The following DOCK10 variants were observed in gnomAD, a reference collection of about 807,000 sequenced individuals.
DOCK10 encodes the protein dedicator of cytokinesis 10.
Under a neutral mutation model 280.1 loss-of-function variants are expected in DOCK10, and 145 were observed. That is an observed-to-expected ratio of 0.52 (90% confidence interval 0.45 to 0.59). The LOEUF (loss-of-function observed/expected upper bound fraction) is 0.59. DOCK10 is among the 20% of genes least tolerant of loss of function. The pLI, the probability that DOCK10 is intolerant of heterozygous loss-of-function variation, is 0.00. For synonymous variants in DOCK10, 915 were observed against 942.2 expected (o/e 0.97, Z 0.53); for missense variants, 2,368 against 2,651.7 (o/e 0.89, Z 2.35).
At chr2:224,982,769 C>T (rs1471451529) in intron 1 of DOCK10, among the ~76,000 whole-genome samples, 1 of 151,224 alleles carries the variant, frequency 6.6e-6, no homozygotes, top group Non-Finnish European at 1.5e-5. Flanking sequence ...CACAATTTTT[C>T]CTGAGGTATC....
chr2:224,924,566 T>C (rs1385120070), intron 2 of DOCK10, among the ~76,000 whole-genome samples: 1 of 152,244 alleles, frequency 6.6e-6, no homozygotes, highest in Non-Finnish European at 1.5e-5. Flanking sequence ...GACATTCCAT[T>C]TTATGGATAT....
chr2:224,807,549 T>G (rs957458780), intron 33 of DOCK10, 119 bp downstream of exon 33: 2 of 659,540 alleles, frequency 3.0e-6, no homozygotes, highest in East Asian at 5.5e-5. Context: ...TAGCAGAAAG[T>G]GTTGTTCAAT....
intron 51 of DOCK10, 98 bp from the exon 52 acceptor site, chr2:224,775,213 T>G: frequency 1.8e-6 from 2 of 1,100,520 alleles, no homozygotes; most frequent in Non-Finnish European, 2.7e-6. Flanking sequence ...GAGGAGGCTG[T>G]GCCTCTCCCC....
At chr2:225,002,162 T>C (rs376143586) in intron 1 of DOCK10, among the ~76,000 whole-genome samples, 1 of 152,210 alleles carries the variant, frequency 6.6e-6, no homozygotes, top group Non-Finnish European at 1.5e-5. Flanking sequence ...AAAGGCTATG[T>C]GGCTCACGAA....
rs186781495 is a variant in DOCK10, at chr2:224,775,172, G to A, written c.5803-57C>T. The A allele has an allele frequency of 1.9e-4, 296 of 1,521,888 alleles. 1 individual carries two copies. The highest frequency in any genetic ancestry group is 1.7e-3 in the South Asian group (150 of 88,080). 94.3% of individuals were successfully genotyped at this position (1,521,888 alleles called of 1,614,324 possible). On this transcript the variant is annotated intron_variant, in intron 51 of 55. Transcript: ENST00000258390. ...GTGTGCCCTGGAGCGCTCTGAAAGC[G>A]GGAAGCTCCCATTCCCTCAGCTTGC...
intron 1 of DOCK10, among the ~76,000 whole-genome samples, chr2:224,962,784 T>C (rs1704523415): frequency 6.6e-6 from 1 of 152,198 alleles, no homozygotes; most frequent in South Asian, 2.1e-4. Flanking sequence ...TATATTATAA[T>C]GGATTGCAGA....
chr2:224,768,790 A>G (rs1559354243), intron 55 of DOCK10: 2 of 415,306 alleles, frequency 4.8e-6, no homozygotes, highest in South Asian at 1.8e-5. Flanking sequence ...GGAGGTGACT[A>G]GAGAGACTGA....
At chr2:224,955,148 T>A (rs1703967576) in intron 1 of DOCK10, among the ~76,000 whole-genome samples, 1 of 152,208 alleles carries the variant, frequency 6.6e-6, no homozygotes, top group Non-Finnish European at 1.5e-5. Flanking sequence ...CCTGTAGCCA[T>A]TCAAACTACT....
At chr2:225,028,216 G>A (rs1380974563) in intron 1 of DOCK10, among the ~76,000 whole-genome samples, 6 of 152,116 alleles carry the variant, frequency 3.9e-5, no homozygotes, top group Non-Finnish European at 8.8e-5. Flanking sequence ...CAGTGGGAGA[G>A]GAAAGCAGAA....
chr2:224,991,672 G>A (rs894391119), intron 1 of DOCK10, among the ~76,000 whole-genome samples: 22 of 152,142 alleles, frequency 1.4e-4, no homozygotes, highest in African/African-American at 5.3e-4. Context: ...ACCAGCCCAT[G>A]AGTCCAGGGT....
chr2:224,800,656 C>CATAT (rs1373877331), intron 40 of DOCK10, among the ~76,000 whole-genome samples: 1 of 152,186 alleles, frequency 6.6e-6, no homozygotes. Context: ...TCGGTTAAGG[C>CATAT]ATATACTTTC....
chr2:224,874,205 A>T (rs1698487084), intron 10 of DOCK10, 54 bp from the exon 11 acceptor site: 10 of 1,577,360 alleles, frequency 6.3e-6, no homozygotes, highest in Non-Finnish European at 8.6e-6. Context: ...AGAAATTCTA[A>T]ATTATAATCC....
intron 1 of DOCK10, among the ~76,000 whole-genome samples, chr2:224,982,689 G>A (rs1002295507): frequency 2.0e-5 from 3 of 152,150 alleles, no homozygotes; most frequent in East Asian, 3.9e-4. Flanking sequence ...GAATAAATAT[G>A]TCTTTCCCAT....
chr2:225,035,962 G>GGCCT lies in DOCK10; in HGVS notation c.123+6286_123+6289dup, dbSNP rs139649161. Among the ~76,000 whole-genome samples the GGCCT allele has an allele frequency of 3.5e-3, 538 of 151,840 alleles. 5 individuals carry two copies. The highest frequency in any genetic ancestry group is 0.013 in the African/African-American group (522 of 41,378). On this transcript the variant is annotated intron_variant, in intron 1 of 55. Transcript: ENST00000258390. ...AATCTACCCCTAATTACCTCCCAAA[G>GGCCT]GCCTCACCTCCTAACCGCATCATAT... is the stretch of plus-strand genomic sequence containing the variant.
At chr2:224,883,744 A>G (rs1699107823) in intron 7 of DOCK10, among the ~76,000 whole-genome samples, 1 of 152,184 alleles carries the variant, frequency 6.6e-6, no homozygotes, top group Admixed American at 6.5e-5. Context: ...CTGAAACACA[A>G]TCTAAGTAAG....
chr2:224,895,120 T>C (rs775306032), intron 4 of DOCK10, among the ~76,000 whole-genome samples: 6 of 152,362 alleles, frequency 3.9e-5, no homozygotes, highest in Non-Finnish European at 8.8e-5. Context: ...GATGCCTGTG[T>C]TGGCAGCTAC....
At chr2:224,933,347 C>A (rs1165801095) in intron 1 of DOCK10, among the ~76,000 whole-genome samples, 1 of 152,126 alleles carries the variant, frequency 6.6e-6, no homozygotes, top group Non-Finnish European at 1.5e-5. Context: ...ATGCACGTTC[C>A]AGATGTTTGG....
chr2:224,790,814 C>T (rs960261966), intron 47 of DOCK10, among the ~76,000 whole-genome samples: 3 of 152,016 alleles, frequency 2.0e-5, no homozygotes, highest in Non-Finnish European at 4.4e-5. Context: ...GGATAATTTA[C>T]TCCTTTGACT....
At chr2:224,797,807 T>G (rs1692687595) in intron 42 of DOCK10, 25 bp downstream of exon 42, 2 of 1,607,018 alleles carry the variant, frequency 1.2e-6, no homozygotes, top group Admixed American at 3.4e-5. Flanking sequence ...CTACCTAAAC[T>G]TCATTGAAAC....
Sources: gnomAD v4.1 joint callset for allele counts (sites outside exome capture counted in the v4.1 genomes callset) on GRCh38, gnomAD v4.1.1 for gene constraint, MANE v1.5 for transcripts, NCBI Gene and HGNC (gene_info 2026-07-23, HGNC 2026-07-21) for gene names.